Variants in SFMBT1 observed in about 807,000 individuals in gnomAD.
The protein encoded by SFMBT1 is Scm like with four mbt domains 1, also known as scm-like with four MBT domains protein 1.
A neutral mutation model predicts 108.7 loss-of-function variants in SFMBT1; 32 were observed. The observed-to-expected ratio is 0.29, with a 90% CI of 0.22 to 0.40. The LOEUF (loss-of-function observed/expected upper bound fraction) is 0.40, where lower values mean the gene tolerates loss of function less well. SFMBT1 is among the 10% of genes least tolerant of loss of function. SFMBT1 has a pLI of 1.00. For synonymous variants in SFMBT1, 348 were observed against 369.5 expected (o/e 0.94, Z 0.67); for missense variants, 816 against 1,059.6 (o/e 0.77, Z 3.19).
intron 1 of SFMBT1, among the ~76,000 whole-genome samples, chr3:53,044,569 C>T (rs950150841): frequency 1.3e-5 from 2 of 152,212 alleles, no homozygotes; most frequent in African/African-American, 4.8e-5. Flanking sequence ...CTTCCTTCAT[C>T]CTCTCGCCAG....
chr3:53,012,166 T>G (rs1698964424), intron 1 of SFMBT1, among the ~76,000 whole-genome samples: 1 of 152,020 alleles, frequency 6.6e-6, no homozygotes. Context: ...TTCAAGAGAA[T>G]AAAGGCTGAG....
intron 1 of SFMBT1, among the ~76,000 whole-genome samples, chr3:53,030,118 C>T (rs983918640): frequency 6.6e-6 from 1 of 151,614 alleles, no homozygotes; most frequent in Admixed American, 6.6e-5. Flanking sequence ...AATATGGAAA[C>T]AAATAAATAT....
chr3:52,941,507 C>T (rs188432343), intron 4 of SFMBT1, among the ~76,000 whole-genome samples: 1,677 of 141,160 alleles, frequency 0.012, 13 homozygotes, highest in Non-Finnish European at 0.017. Flanking sequence ...GGGAGGAGAA[C>T]TGCTTGAACC....
chr3:53,036,521 C>G (rs567831251), intron 1 of SFMBT1, among the ~76,000 whole-genome samples: 4 of 152,348 alleles, frequency 2.6e-5, no homozygotes, highest in Non-Finnish European at 5.9e-5. Context: ...CCTGGGCAAA[C>G]AGGCCCACTA....
chr3:52,953,981 C>T (rs898226337), intron 3 of SFMBT1, among the ~76,000 whole-genome samples: 3 of 151,896 alleles, frequency 2.0e-5, no homozygotes, highest in Non-Finnish European at 2.9e-5. Flanking sequence ...AAAAAATAGC[C>T]GGGCGTGGTG....
At chr3:52,936,071 G>C (rs1013850720) in intron 4 of SFMBT1, among the ~76,000 whole-genome samples, 3 of 152,192 alleles carry the variant, frequency 2.0e-5, no homozygotes, top group Non-Finnish European at 4.4e-5. Flanking sequence ...AGTGGAATAA[G>C]TTATACCCTT....
chr3:53,009,819 A>G (rs1698882481), intron 1 of SFMBT1, among the ~76,000 whole-genome samples: 2 of 152,234 alleles, frequency 1.3e-5, no homozygotes, highest in African/African-American at 4.8e-5. Context: ...GAGAAAACAA[A>G]ATATTAGAAA....
Position 52,915,554 on chromosome 3 carries a change from C to T in SFMBT1, c.1480+596G>A, listed in dbSNP as rs915975881. On this transcript the variant is annotated intron_variant, in intron 14 of 20. Transcript: ENST00000394752. ...GCATTTACTAAATATCACCCAAATG[C>T]GCAATCTGTGCTAGAATACACACAG... 5.3e-5 allele frequency among the ~76,000 whole-genome samples: 8 copies of T among 152,276 alleles called. No individual in the cohort carries two copies. In the South Asian group the frequency reaches 6.2e-4, roughly 12 times the overall value.
At chr3:53,038,386 C>G (rs1427057180) in intron 1 of SFMBT1, among the ~76,000 whole-genome samples, 1 of 152,170 alleles carries the variant, frequency 6.6e-6, no homozygotes, top group African/African-American at 2.4e-5. Flanking sequence ...TAACACAACG[C>G]ACAATAAAAA....
chr3:52,934,774 T>A, intron 5 of SFMBT1, 39 bp downstream of exon 5: 1 of 1,520,486 alleles, frequency 6.6e-7, no homozygotes, highest in Non-Finnish European at 9.0e-7. Flanking sequence ...AAAGATCAGA[T>A]GGGTTTTCCA....
At chr3:52,911,307 G>T in intron 16 of SFMBT1, 129 bp from the exon 17 acceptor site, 1 of 842,772 alleles carries the variant, frequency 1.2e-6, no homozygotes, top group Non-Finnish European at 1.7e-6. Flanking sequence ...ATAGTTCAAG[G>T]GCCCTGAAAA....
intron 1 of SFMBT1, among the ~76,000 whole-genome samples, chr3:52,982,988 C>CA (rs1704769412): frequency 6.6e-6 from 1 of 152,094 alleles, no homozygotes; most frequent in Non-Finnish European, 1.5e-5. Flanking sequence ...CTAAAGCAAA[C>CA]AGTGGAAGAG....
At chr3:52,959,545 CTACATT>C (rs1464763052) in intron 2 of SFMBT1, among the ~76,000 whole-genome samples, 1 of 152,188 alleles carries the variant, frequency 6.6e-6, no homozygotes, top group Non-Finnish European at 1.5e-5. Flanking sequence ...TACAAACCCT[CTACATT>C]TGCTATCCCT....
At chr3:52,998,984 TA>T (rs1698440744) in intron 1 of SFMBT1, among the ~76,000 whole-genome samples, 1 of 150,816 alleles carries the variant, frequency 6.6e-6, no homozygotes, top group Non-Finnish European at 1.5e-5. Flanking sequence ...AGCTGGGTAC[TA>T]AACTGGCTCT....
chr3:52,957,277 A>T (rs1206329940), intron 2 of SFMBT1, among the ~76,000 whole-genome samples: 7 of 152,160 alleles, frequency 4.6e-5, no homozygotes, highest in Admixed American at 4.6e-4. Context: ...GAAGTGAAAG[A>T]CCCCTTCAAG....
chr3:52,969,100 C>A lies in SFMBT1; in HGVS notation c.28+1G>T, dbSNP rs764411139. 1.5e-5 allele frequency: 25 copies of A among 1,613,938 alleles called. No homozygotes were observed. The highest frequency in any genetic ancestry group is 2.1e-5 in the Non-Finnish European group (25 of 1,179,958). ...ATAAATTCTGAGAATAAAACCAATA[C>A]CTGCATCAAGCTGCTGCTCCCCGTT... On this transcript the variant is annotated splice_donor_variant, in intron 2 of 20. Coordinates refer to ENST00000394752, the MANE Select transcript of SFMBT1 (RefSeq NM_016329.4). LOFTEE classifies it high-confidence loss of function.
chr3:52,998,471 C>T (rs1036848425), intron 1 of SFMBT1, among the ~76,000 whole-genome samples: 2 of 150,364 alleles, frequency 1.3e-5, no homozygotes, highest in African/African-American at 4.8e-5. Flanking sequence ...AGGCTGGGTG[C>T]AGCTTCAAGC....
intron 14 of SFMBT1, among the ~76,000 whole-genome samples, chr3:52,915,543 T>A (rs1702324365): frequency 6.6e-6 from 1 of 152,180 alleles, no homozygotes; most frequent in Non-Finnish European, 1.5e-5. Flanking sequence ...TTACTAAATA[T>A]CACCCAAATG....
At chr3:52,979,949 A>G (rs1704652940) in intron 1 of SFMBT1, among the ~76,000 whole-genome samples, 1 of 152,236 alleles carries the variant, frequency 6.6e-6, no homozygotes, top group South Asian at 2.1e-4. Flanking sequence ...AGATTTTTAA[A>G]AATAACTATC....
Sources: gnomAD v4.1 joint callset for allele counts (sites outside exome capture counted in the v4.1 genomes callset) on GRCh38, gnomAD v4.1.1 for gene constraint, MANE v1.5 for transcripts, NCBI Gene and HGNC (gene_info 2026-07-23, HGNC 2026-07-21) for gene names.